RNF213: variants seen among roughly 807,000 people sequenced by gnomAD.
RNF213 encodes the protein ring finger protein 213, also known as E3 ubiquitin-protein ligase RNF213.
In RNF213, 341 loss-of-function variants were observed where a neutral mutation model predicts 514.4. That is an observed-to-expected ratio of 0.66 (90% CI 0.61 to 0.73). RNF213 has a LOEUF of 0.73. Ranked by LOEUF, RNF213 falls within the 30% of genes least tolerant of loss-of-function variation. The probability of loss-of-function intolerance (pLI) is 0.00; values close to 1 mark genes in which losing one functional copy is unlikely to be tolerated. For missense variants in RNF213, 5,767 were observed against 6,615.6 expected (o/e 0.87, Z 4.45); for synonymous variants, 2,655 against 2,658.2 (o/e 1.00, Z 0.04).
intron 59 of RNF213, 133 bp from the exon 60 acceptor site, chr17:80,384,906 C>A: frequency 1.1e-6 from 1 of 939,022 alleles, no homozygotes; most frequent in Non-Finnish European, 1.7e-6. Context: ...AAGCTCCACG[C>A]TGCATCACAG....
chr17:80,309,311 T>A, intron 14 of RNF213, 140 bp downstream of exon 14: 1 of 1,009,134 alleles, frequency 9.9e-7, no homozygotes, highest in Non-Finnish European at 1.5e-6. Context: ...ACATTTCTTG[T>A]GCACCTGCTT....
intron 36 of RNF213, 133 bp from the exon 37 acceptor site, chr17:80,358,155 T>C (rs1418984775): frequency 1.4e-6 from 1 of 694,730 alleles, no homozygotes; most frequent in Non-Finnish European, 2.5e-6. Context: ...AAGTTATTGC[T>C]GTCGCTGTAG....
At chr17:80,386,604 AG>A in intron 62 of RNF213, 85 bp from the exon 63 acceptor site, 1 of 1,507,534 alleles carries the variant, frequency 6.6e-7, no homozygotes, top group East Asian at 2.3e-5. Context: ...TCCAACTGTG[AG>A]AAATGGGAGC....
chr17:80,285,621 A>G (rs746580184), intron 3 of RNF213, among the ~76,000 whole-genome samples: 9 of 151,428 alleles, frequency 5.9e-5, no homozygotes, highest in African/African-American at 1.2e-4. Flanking sequence ...ACGCCACTCT[A>G]CAGTGCTGGG....
At chr17:80,372,898 C>T in intron 48 of RNF213, 77 bp from the exon 49 acceptor site, 5 of 1,486,900 alleles carry the variant, frequency 3.4e-6, no homozygotes, top group Non-Finnish European at 4.6e-6. Flanking sequence ...GGTCCGATGC[C>T]CTCTGGTTGG....
At chr17:80,290,497 G>GCA (rs2044679032) in intron 6 of RNF213, 73 bp from the exon 7 acceptor site, 12 of 1,572,192 alleles carry the variant, frequency 7.6e-6, no homozygotes, top group African/African-American at 2.7e-5. Context: ...GTGTGTGTGT[G>GCA]CGCGTGTGTG....
Position 80,348,248 on chromosome 17 carries a change from C to G in RNF213, c.9913C>G (p.His3305Asp), listed in dbSNP as rs565686171. Reference sequence around the variant, plus strand: ...TGCAGATTTCCTTCAGGCACACCTGCACACGGCAGACCTGGAGCGCCACGC... The same window carrying G: ...TGCAGATTTCCTTCAGGCACACCTGGACACGGCAGACCTGGAGCGCCACGC... ...SFADFLQAHLHTADLERHAIF... is the reference protein window; with the variant it reads ...SFADFLQAHLDTADLERHAIF... The change falls in exon 29 of 68, where the codon CAC becomes GAC. Residue 3305 changes from histidine (H) to aspartate (D), a missense_variant. Around this residue, in one of 13 missense-constraint regions of RNF213, gnomAD observed 919 missense variants for 1,121.0 expected, o/e 0.82. Transcript: ENST00000582970. 2 of 1,613,972 alleles carry G rather than the reference C, an allele frequency of 1.2e-6. No individual in the cohort carries two copies. The highest frequency in any genetic ancestry group is 4.5e-5 in the East Asian group (2 of 44,890).
rs779136667 is a variant in RNF213 at position 80,391,760 on chromosome 17, C to CTT, written c.15471-1558_15471-1557dup. 5.8e-3 allele frequency among the ~76,000 whole-genome samples: 513 copies of CTT among 88,616 alleles called. 124 individuals are homozygous for CTT. Among genetic ancestry groups the CTT allele is most frequent in the Non-Finnish European group, 7.3e-3 (324 of 44,428 alleles). The allele number at this position is 88,616 out of a possible 152,430, so 58.1% of individuals were successfully genotyped here. A position where few individuals can be genotyped will look rare whatever the true frequency, so the allele number is the denominator to read the frequency against. ...CCTTATCCCAGGATTATAAACTAGCCTTTTTTTTTTTTTTTTTTTTTTTTT... is the reference window on the plus strand; with the variant it reads ...CCTTATCCCAGGATTATAAACTAGCCTTTTTTTTTTTTTTTTTTTTTTTTTTT... On this transcript the variant is annotated intron_variant, in intron 67 of 67. Coordinates refer to ENST00000582970, the MANE Select transcript of RNF213 (RefSeq NM_001256071.3).
chr17:80,278,485 A>T (rs545434915), intron 3 of RNF213, among the ~76,000 whole-genome samples: 1 of 152,268 alleles, frequency 6.6e-6, no homozygotes, highest in South Asian at 2.1e-4. Flanking sequence ...GGGTGCCGTG[A>T]GCCTGGCAGG....
rs775787416 is a variant in RNF213 at position 80,319,294 on chromosome 17, C to T, written c.3006C>T (p.Ala1002=). The T allele has an allele frequency of 3.3e-5, 53 of 1,614,042 alleles. No homozygotes were observed. The highest frequency in any genetic ancestry group is 1.5e-4 in the Admixed American group (9 of 59,998). ...AKTFEKCIIE[A]VSSACQSQTS... Reference sequence around the variant, plus strand: ...CCTTCGAGAAATGCATCATTGAAGCCGTGAGCTCAGCCTGCCAGGTGAACA... The same window carrying T: ...CCTTCGAGAAATGCATCATTGAAGCTGTGAGCTCAGCCTGCCAGGTGAACA... The change falls in exon 17 of 68, where the codon GCC becomes GCT. Residue 1002 remains alanine, a synonymous_variant. Coordinates refer to ENST00000582970, the MANE Select transcript of RNF213 (RefSeq NM_001256071.3).
chr17:80,307,247 G>C (rs187714837), intron 13 of RNF213, 46 bp downstream of exon 13: 3 of 1,574,116 alleles, frequency 1.9e-6, no homozygotes, highest in African/African-American at 2.7e-5. Flanking sequence ...TGCGGCCCCC[G>C]GGGGCTTCCT....
Position 80,337,579 on chromosome 17 carries a change from C to T in RNF213, c.4528-7C>T, listed in dbSNP as rs137891482. ...GTGGCCCGTGTTCTCTCCTTTTGTC[C>T]CCATAGTGTGACTCCGCCAGGAACT... On this transcript the variant is annotated splice_region_variant and splice_polypyrimidine_tract_variant and intron_variant, in intron 23 of 67. Transcript: ENST00000582970. 21 of 1,537,186 alleles carry T rather than the reference C, an allele frequency of 1.4e-5. No homozygotes were observed. The highest frequency in any genetic ancestry group is 1.7e-4 in the Middle Eastern group (1 of 5,984).
rs867632410 is a variant in RNF213 at position 80,338,327 on chromosome 17, A to G, written c.4833+330A>G. On this transcript the variant is annotated intron_variant, in intron 25 of 67. Coordinates refer to ENST00000582970, the MANE Select transcript of RNF213 (RefSeq NM_001256071.3). The stretch of plus-strand genomic sequence containing the variant: ...AAATAGCCCTTAGAAAGACACTTGA[A>G]TTGCCTCTCTCACTCTGTAAATCAG... Among the ~76,000 whole-genome samples, 4 of 152,306 alleles carry G rather than the reference A, an allele frequency of 2.6e-5. No homozygotes were observed. In the Middle Eastern group the frequency reaches 0.014, roughly 518 times the overall value.
intron 10 of RNF213, among the ~76,000 whole-genome samples, chr17:80,297,475 C>G (rs1044946639): frequency 6.7e-6 from 1 of 149,552 alleles, no homozygotes; most frequent in South Asian, 2.1e-4. Context: ...TTGTTTTGGC[C>G]GGGCATTATG....
chr17:80,338,126 C>A, intron 25 of RNF213, 129 bp downstream of exon 25: 1 of 1,170,498 alleles, frequency 8.5e-7, no homozygotes, highest in South Asian at 1.4e-5. Context: ...TGCTCTTAGG[C>A]CCATGGAGAG....
intron 54 of RNF213, among the ~76,000 whole-genome samples, chr17:80,379,062 C>T (rs1231125850): frequency 1.3e-5 from 2 of 150,500 alleles, no homozygotes; most frequent in Non-Finnish European, 2.9e-5. Flanking sequence ...TGCATGCGTG[C>T]ATGCGTGTGG....
At position 80,393,426 on chromosome 17, in the gene RNF213, G is replaced by A. The variant is rs200306837; in HGVS notation, c.15552G>A (p.Glu5184=). The part of the protein sequence containing the change: ...LPEMASQFPE[E]ILLASCVSVW... ...AAATGGCATCTCAGTTCCCAGAAGA[G>A]ATACTGCTCGCCAGCTGTGTCTCAG... is the stretch of plus-strand genomic sequence containing the variant. Residue 5184 remains glutamate (E), a synonymous_variant, in exon 68 of 68, where the codon GAG becomes GAA. Transcript: ENST00000582970. 132 of 1,614,218 alleles carry A rather than the reference G, an allele frequency of 8.2e-5. 1 individual carries two copies. In the South Asian group the frequency reaches 1.3e-3, roughly 16 times the overall value.
intron 6 of RNF213, 116 bp from the exon 7 acceptor site, chr17:80,290,448 TGTGCGA>T (rs1419657636): frequency 1.8e-5 from 21 of 1,179,738 alleles, no homozygotes; most frequent in Non-Finnish European, 2.6e-5. Context: ...TGCATGTGTG[TGTGCGA>T]GTGCATGTGT....
chr17:80,302,110 G>A (rs2045200192), intron 11 of RNF213, among the ~76,000 whole-genome samples: 1 of 152,188 alleles, frequency 6.6e-6, no homozygotes, highest in Non-Finnish European at 1.5e-5. Flanking sequence ...GAGTAGAATA[G>A]TAGTTACGAG....
Sources: allele counts gnomAD v4.1 joint callset (sites outside exome capture counted in the v4.1 genomes callset), GRCh38; gene constraint gnomAD v4.1.1; regional missense constraint gnomAD v4.1.1; transcripts MANE v1.5; gene names NCBI Gene and HGNC (gene_info 2026-07-23, HGNC 2026-07-21).